The following HELZ2 variants were observed in gnomAD, a reference collection of about 807,000 sequenced individuals.
The protein encoded by HELZ2 is 3'-5' exoribonuclease HELZ2.
Under a neutral mutation model 208.8 loss-of-function variants are expected in HELZ2, and 143 were observed. The ratio of observed to expected loss-of-function variants is 0.68; its 90% CI spans 0.60 to 0.79. HELZ2 has a LOEUF of 0.79. Ranked by LOEUF, HELZ2 falls within the 30% of genes least tolerant of loss-of-function variation. HELZ2 has a pLI of 0.00. For missense variants in HELZ2, 3,690 were observed against 3,794.5 expected (o/e 0.97, Z 0.72); for synonymous variants, 1,705 against 1,693.7 (o/e 1.01, Z -0.16).
chr20:63,565,942 G>A (rs768703476), exon 8 of HELZ2: 3 of 1,598,944 alleles, frequency 1.9e-6, no homozygotes, highest in Non-Finnish European at 2.5e-6. Flanking sequence ...GGGGAGGCCA[G>A]CGCCGTCTCT....
chr20:63,568,331 G>A (rs1206567914), intron 5 of HELZ2, 27 bp downstream of exon 6: 2 of 1,559,510 alleles, frequency 1.3e-6, no homozygotes, highest in South Asian at 1.1e-5. Flanking sequence ...GTCAGGTGAG[G>A]TGGGGGCAGG....
chr20:63,570,908 AGCCGCCGT>A (rs760897790), intron 1 of HELZ2, 40 bp from the exon 3 acceptor site: 19 of 1,513,494 alleles, frequency 1.3e-5, no homozygotes, highest in Non-Finnish European at 1.5e-5. Context: ...ACAGAGGCAC[AGCCGCCGT>A]GCTGAGTTCA....
At chr20:63,562,081 C>T (rs1449239045) in exon 10 of HELZ2, 1 of 1,610,670 alleles carries the variant, frequency 6.2e-7, no homozygotes, top group East Asian at 2.2e-5. Flanking sequence ...CCTGGTGGGC[C>T]CTGAATGACC....
downstream of HELZ2, chr20:63,558,984 A>ACTTC: frequency 1.4e-5 from 5 of 367,850 alleles, no homozygotes; most frequent in Non-Finnish European, 2.5e-5. Context: ...GGACAGCAGA[A>ACTTC]CTTCCTTGCA....
upstream of HELZ2, chr20:63,573,098 G>C (rs1436842989): frequency 3.3e-5 from 5 of 152,352 alleles, no homozygotes; most frequent in East Asian, 7.7e-4. The surrounding 1 kb of genome is among the most constrained non-coding windows in gnomAD (Gnocchi z 4.9). Context: ...GGGGCTGTTG[G>C]GCAGCAGGGT....
rs761847005 is a variant in HELZ2 at position 63,570,637 on chromosome 20, A to G, written c.463-26T>C. ...CTGCGTGGAAGTCTAGCCTTCAGCA[A>G]GAGGCCTGGACCCCACCCCACCCCA... On this transcript the variant is annotated intron_variant, in intron 2 of 18. Coordinates refer to ENST00000467148, the Ensembl canonical transcript of HELZ2. The G allele has an allele frequency of 3.8e-6, 6 of 1,599,340 alleles. No individual in the cohort carries two copies. The Admixed American group carries it at 6.7e-5, about 18-fold the overall frequency.
chr20:63,568,094 C>G (rs445655), intron 5 of HELZ2: 512,815 of 565,478 alleles, frequency 0.91, 233,353 homozygotes, highest in East Asian at 1. Context: ...CCCCAGAAGT[C>G]CTGGGTGGGC....
At chr20:63,561,935 T>C (rs907051243) in exon 11 of HELZ2, 1 of 1,602,214 alleles carries the variant, frequency 6.2e-7, no homozygotes, top group Non-Finnish European at 8.5e-7. Context: ...CCTGGTTTGA[T>C]TTATGAAACC....
chr20:63,560,666 G>A (rs771486785), exon 16 of HELZ2: 13 of 1,609,202 alleles, frequency 8.1e-6, no homozygotes, highest in South Asian at 2.2e-5. Flanking sequence ...CTTGTAGAAC[G>A]CCACAGAGGG....
exon 8 of HELZ2, chr20:63,563,854 C>A (rs1386800102): frequency 6.3e-7 from 1 of 1,596,160 alleles, no homozygotes; most frequent in South Asian, 1.1e-5. Flanking sequence ...GGCCGCCCTG[C>A]TGCTGGTGGC....
In HELZ2 at chr20:63,559,271, C is replaced by G. The variant is rs768772158; in HGVS notation, c.7925G>C (p.Cys2642Ser). The G allele has an allele frequency of 3.2e-6, 5 of 1,580,012 alleles. No individual in the cohort carries two copies. The African/African-American group carries it at 5.4e-5, about 17-fold the overall frequency. The change falls in exon 19 of 19, where the codon TGC becomes TCC. Residue 2642 changes from cysteine (C) to serine (S), a missense_variant. Physicochemically the swap from Cys to Ser is moderately radical, Grantham distance 112 (BLOSUM62 -1). Coordinates refer to ENST00000467148, the Ensembl canonical transcript of HELZ2. Reference sequence around the variant, plus strand: ...TCAGGAAGGCATAGTTGGCCTCCTGCAGACGCGCACCTGGCCGGCAGGCAC... The same window carrying G: ...TCAGGAAGGCATAGTTGGCCTCCTGGAGACGCGCACCTGGCCGGCAGGCAC...
At chr20:63,569,746 A>C in intron 3 of HELZ2, 81 bp from the exon 5 acceptor site, 1 of 1,387,672 alleles carries the variant, frequency 7.2e-7, no homozygotes, top group East Asian at 2.5e-5. Context: ...GCGTAGCCCA[A>C]GTGCAGGGTT....
chr20:63,570,766 C>T (rs1434400109), exon 2 of HELZ2: 1 of 1,610,560 alleles, frequency 6.2e-7, no homozygotes, highest in African/African-American at 1.3e-5. Flanking sequence ...GCCAGGCCGC[C>T]TGCCCCCGCA....
chr20:63,570,870 TG>T lies in HELZ2; in HGVS notation c.279-3del. ...TCCCCATACTCACAGAGGTCAGGCC[TG>T]GGGGACAGGGAGGTCAGCAGGGCTA... On this transcript the variant is annotated splice_region_variant and splice_polypyrimidine_tract_variant and intron_variant, in intron 1 of 18. Transcript: ENST00000467148. The T allele has an allele frequency of 6.3e-7, 1 of 1,581,956 alleles. No individual in the cohort carries two copies. The highest frequency in any genetic ancestry group is 2.3e-5 in the East Asian group (1 of 44,260).
exon 14 of HELZ2, chr20:63,561,211 G>A (rs1569028422): frequency 2.5e-6 from 4 of 1,612,978 alleles, no homozygotes; most frequent in Non-Finnish European, 3.4e-6. Context: ...AGGAGCAGGT[G>A]CAGAGGATGA....
chr20:63,568,967 G>A (rs906980857), exon 5 of HELZ2: 35 of 1,603,694 alleles, frequency 2.2e-5, no homozygotes, highest in East Asian at 6.7e-5. Context: ...CTGCAATGCC[G>A]TCTTCAGGAA....
At chr20:63,563,653 C>A in exon 8 of HELZ2, 1 of 1,554,828 alleles carries the variant, frequency 6.4e-7, no homozygotes. Flanking sequence ...GGCTGCGCGC[C>A]CGCCGCTGAT....
chr20:63,565,860 G>C lies in HELZ2; in HGVS notation c.2962C>G (p.Gln988Glu), dbSNP rs551964861. The change falls in exon 8 of 19, where the codon CAG (glutamine) becomes GAG (glutamate). Residue 988 changes from glutamine to glutamate, a missense_variant. Gln to Glu is a conservative substitution (Grantham distance 29). Transcript: ENST00000467148. ...ACCATGGCCGTCACCACAGCCGCCT[G>C]CTCCTCGGCCAGGTCCCCTACTGGC... The C allele has an allele frequency of 1.9e-6, 3 of 1,598,036 alleles. No individual in the cohort carries two copies. In the South Asian group the frequency reaches 3.3e-5, roughly 18 times the overall value.
chr20:63,561,322 G>A (rs1219990197), intron 13 of HELZ2, 28 bp downstream of exon 14: 5 of 1,612,562 alleles, frequency 3.1e-6, no homozygotes, highest in Non-Finnish European at 4.2e-6. Context: ...GCTGCAGGCA[G>A]CTCCACCCCC....
Sources: gnomAD v4.1 joint callset for allele counts on GRCh38, gnomAD v4.1.1 for gene constraint, Gnocchi (gnomAD v3.1) non-coding constraint, MANE v1.5 for transcripts, NCBI Gene and HGNC (gene_info 2026-07-23, HGNC 2026-07-21) for gene names.